The following RRM2B variants were observed in gnomAD, a reference collection of about 807,000 sequenced individuals.
RRM2B encodes the protein ribonucleotide reductase regulatory TP53 inducible subunit M2B, also known as ribonucleoside-diphosphate reductase subunit M2 B.
A neutral mutation model predicts 45.9 loss-of-function variants in RRM2B; 20 were observed. The observed-to-expected ratio is 0.44, with a 90% CI of 0.31 to 0.63. The LOEUF (loss-of-function observed/expected upper bound fraction) is 0.63. Ranked by LOEUF, RRM2B falls within the 30% of genes least tolerant of loss-of-function variation. The pLI, the probability that RRM2B is intolerant of heterozygous loss-of-function variation, is 0.09. For synonymous variants in RRM2B, 124 were observed against 132.3 expected (o/e 0.94, Z 0.43); for missense variants, 320 against 414.7 (o/e 0.77, Z 1.98).
At chr8:102,209,332 G>A (rs1810597550) in intron 8 of RRM2B, among the ~76,000 whole-genome samples, 1 of 152,152 alleles carries the variant, frequency 6.6e-6, no homozygotes, top group African/African-American at 2.4e-5. Context: ...TGGGCAGAGT[G>A]TCTAAATAGA....
At chr8:102,210,512 G>A (rs1380367585) in intron 8 of RRM2B, among the ~76,000 whole-genome samples, 1 of 152,026 alleles carries the variant, frequency 6.6e-6, no homozygotes, top group African/African-American at 2.4e-5. Flanking sequence ...GCCCAGGCTG[G>A]AGTGCAATGG....
intron 6 of RRM2B, among the ~76,000 whole-genome samples, chr8:102,217,417 T>C (rs1810749316): frequency 6.6e-6 from 1 of 152,186 alleles, no homozygotes; most frequent in African/African-American, 2.4e-5. Flanking sequence ...TTATTAAAAA[T>C]TTAAAGCCAT....
intron 6 of RRM2B, among the ~76,000 whole-genome samples, chr8:102,218,361 T>C (rs1810768430): frequency 6.6e-6 from 1 of 152,160 alleles, no homozygotes; most frequent in African/African-American, 2.4e-5. Flanking sequence ...AAAAGCAAGA[T>C]GACGTGACTT....
intron 6 of RRM2B, chr8:102,214,460 A>G (rs1810691157): frequency 3.2e-6 from 1 of 314,796 alleles, no homozygotes; most frequent in Non-Finnish European, 6.3e-6. Flanking sequence ...ATAAAGCAAG[A>G]AAGCCTGAAA....
intron 4 of RRM2B, among the ~76,000 whole-genome samples, chr8:102,224,583 A>G (rs1017329016): frequency 2.0e-5 from 3 of 152,244 alleles, no homozygotes; most frequent in African/African-American, 7.2e-5. Flanking sequence ...TCCATAGAAC[A>G]GAAATAAAAC....
chr8:102,209,526 C>T (rs1695192581), intron 8 of RRM2B, among the ~76,000 whole-genome samples: 1 of 152,156 alleles, frequency 6.6e-6, no homozygotes, highest in Non-Finnish European at 1.5e-5. Context: ...AACCCTCATA[C>T]AGGGTGGGAA....
At chr8:102,224,851 A>G (rs762972832) in intron 4 of RRM2B, 34 bp downstream of exon 4, 6 of 1,602,948 alleles carry the variant, frequency 3.7e-6, no homozygotes, top group Non-Finnish European at 4.3e-6. Context: ...ACCAAGCCGT[A>G]AGCAATATTT....
intron 8 of RRM2B, 26 bp from the exon 9 acceptor site, chr8:102,208,311 A>G (rs756585656): frequency 6.7e-7 from 1 of 1,483,672 alleles, no homozygotes; most frequent in Admixed American, 1.7e-5. Flanking sequence ...ATATTATTAG[A>G]CATTCTGAAG....
At chr8:102,232,432 T>C in intron 1 of RRM2B, 128 bp from the exon 2 acceptor site, 1 of 893,610 alleles carries the variant, frequency 1.1e-6, no homozygotes, top group Non-Finnish European at 1.8e-6. Flanking sequence ...GGTTGAATCC[T>C]TACTGTTACC....
At chr8:102,225,814 A>AT in intron 3 of RRM2B, 104 bp downstream of exon 3, 1 of 765,680 alleles carries the variant, frequency 1.3e-6, no homozygotes, top group Non-Finnish European at 2.4e-6. Flanking sequence ...CATCTAGTTC[A>AT]TTTTTTAGAC....
chr8:102,231,412 G>C (rs1013813844), intron 2 of RRM2B, among the ~76,000 whole-genome samples: 5 of 152,220 alleles, frequency 3.3e-5, no homozygotes, highest in Non-Finnish European at 7.3e-5. Context: ...TCTTCATGCA[G>C]CGGCTCATTT....
At chr8:102,215,795 T>A (rs977535412) in intron 6 of RRM2B, among the ~76,000 whole-genome samples, 1 of 151,780 alleles carries the variant, frequency 6.6e-6, no homozygotes, top group Non-Finnish European at 1.5e-5. Flanking sequence ...ACTTTTTTAA[T>A]TAACTGGATG....
chr8:102,210,575 G>A (rs943819583), intron 8 of RRM2B, among the ~76,000 whole-genome samples: 18 of 151,642 alleles, frequency 1.2e-4, no homozygotes, highest in Non-Finnish European at 1.8e-4. Flanking sequence ...CGATTCTCTC[G>A]CCTCAGCCTC....
intron 7 of RRM2B, 134 bp downstream of exon 7, chr8:102,213,920 G>A (rs572659067): frequency 3.3e-5 from 23 of 692,710 alleles, no homozygotes; most frequent in East Asian, 2.5e-4. Flanking sequence ...ATCATGTATT[G>A]GTATTGTCAG....
intron 6 of RRM2B, among the ~76,000 whole-genome samples, chr8:102,217,871 A>C (rs1023561312): frequency 6.6e-6 from 1 of 152,090 alleles, no homozygotes; most frequent in Non-Finnish European, 1.5e-5. Context: ...AAGGGTAGAA[A>C]GGGTATAGCA....
intron 1 of RRM2B, among the ~76,000 whole-genome samples, chr8:102,237,291 T>C (rs1400340945): frequency 6.6e-6 from 1 of 152,242 alleles, no homozygotes; most frequent in Non-Finnish European, 1.5e-5. Context: ...AATCTACATA[T>C]CACTTCAGGA....
At position 102,218,902 on chromosome 8, in the gene RRM2B, G is replaced by A. The variant is rs778826098; in HGVS notation, c.596C>T (p.Ser199Leu). 2 of 1,613,490 alleles carry A rather than the reference G, an allele frequency of 1.2e-6. No individual in the cohort carries two copies. Among genetic ancestry groups the A allele is most frequent in the South Asian group, 1.1e-5 (1 of 91,064 alleles). The stretch of plus-strand genomic sequence containing the variant: ...CCAGAATATAGCAGCAAAAGATCCT[G>A]AGAAGAAAACTCCTTCTACAGCAGC... ...AFAAVEGVFF[S>L]GSFAAIFWLK... The change falls in exon 6 of 9, where the codon TCA (serine) becomes TTA (leucine). Residue 199 changes from serine to leucine, a missense_variant. Coordinates refer to ENST00000251810, the MANE Select transcript of RRM2B (RefSeq NM_015713.5).
intron 1 of RRM2B, among the ~76,000 whole-genome samples, chr8:102,234,330 T>C (rs1004014769): frequency 6.6e-5 from 10 of 151,840 alleles, no homozygotes; most frequent in African/African-American, 2.4e-4. Flanking sequence ...GGATTAGGAG[T>C]GTATTATGAG....
At chr8:102,228,329 T>A (rs1220874391) in intron 2 of RRM2B, among the ~76,000 whole-genome samples, 2 of 152,192 alleles carry the variant, frequency 1.3e-5, no homozygotes, top group African/African-American at 4.8e-5. Context: ...CCTTTCCAGC[T>A]CCTCTTCCCA....
Sources: gnomAD v4.1 joint callset for allele counts (sites outside exome capture counted in the v4.1 genomes callset) on GRCh38, gnomAD v4.1.1 for gene constraint, MANE v1.5 for transcripts, NCBI Gene and HGNC (gene_info 2026-07-23, HGNC 2026-07-21) for gene names.